Variants in TSPAN4 observed in about 807,000 individuals in gnomAD.
TSPAN4 encodes the protein tetraspanin 4, also known as tetraspanin-4.
A neutral mutation model predicts 31.5 loss-of-function variants in TSPAN4; 38 were observed. The observed-to-expected ratio is 1.21, with a 90% CI of 0.93 to 1.58. TSPAN4 has a LOEUF of 1.58. TSPAN4 is among the 40% of genes most tolerant of loss of function. The pLI, the probability that TSPAN4 is intolerant of heterozygous loss-of-function variation, is 0.00. For missense variants in TSPAN4, 330 were observed against 317.3 expected, an observed-to-expected ratio of 1.04 and a Z score of -0.30; for synonymous variants, 186 against 144.6, an observed-to-expected ratio of 1.29 and a Z score of -2.06.
intron 1 of TSPAN4, among the ~76,000 whole-genome samples, chr11:846,249 C>T (rs1412286456): frequency 6.6e-6 from 1 of 152,092 alleles, no homozygotes; most frequent in Non-Finnish European, 1.5e-5. Context: ...GGCATGGCAC[C>T]CAGGCTGCTG....
At chr11:844,863 G>A (rs1030630251) in intron 1 of TSPAN4, among the ~76,000 whole-genome samples, 1 of 152,152 alleles carries the variant, frequency 6.6e-6, no homozygotes, top group South Asian at 2.1e-4. Flanking sequence ...CAGGGCAAAG[G>A]ACCAGGGGAA....
intron 4 of TSPAN4, 136 bp from the exon 5 acceptor site, chr11:864,301 C>G: frequency 9.2e-7 from 1 of 1,090,858 alleles, no homozygotes; most frequent in Non-Finnish European, 1.4e-6. Flanking sequence ...TCTGGGCTCT[C>G]TGGGAGTGGG....
chr11:859,810 T>G (rs1224130741), intron 3 of TSPAN4: 5 of 152,228 alleles, frequency 3.3e-5, no homozygotes, highest in African/African-American at 1.2e-4. Context: ...GGGCTGGCTT[T>G]GCTCAGAAGC....
chr11:861,979 C>G (rs982978728), intron 3 of TSPAN4, among the ~76,000 whole-genome samples: 1 of 152,164 alleles, frequency 6.6e-6, no homozygotes, highest in African/African-American at 2.4e-5. Context: ...AGGGAATCAG[C>G]GTTTCTCCTG....
intron 3 of TSPAN4, among the ~76,000 whole-genome samples, chr11:861,671 C>G (rs1169658119): frequency 2.0e-5 from 3 of 151,784 alleles, no homozygotes; most frequent in African/African-American, 4.8e-5. Context: ...GAGATCGCGC[C>G]ACTGCACTCC....
intron 4 of TSPAN4, chr11:864,155 G>C: frequency 1.9e-6 from 1 of 536,132 alleles, no homozygotes. Flanking sequence ...ACTTGGGGGT[G>C]TCTGGGTTGC....
intron 3 of TSPAN4, 41 bp from the exon 4 acceptor site, chr11:862,509 G>A (rs1479354169): frequency 6.5e-7 from 1 of 1,543,702 alleles, no homozygotes; most frequent in Non-Finnish European, 8.7e-7. Flanking sequence ...CTTGCATTGG[G>A]GCCTCACCCT....
In TSPAN4 at chr11:866,590, T is replaced by G. The variant is rs748450195; in HGVS notation, c.677T>G (p.Met226Arg). The change falls in exon 9 of 9, where the codon ATG becomes AGG. Residue 226 changes from methionine (M) to arginine (R), a missense_variant. Transcript: ENST00000397397. ...QILGLTFAMT[M>R]YCQVVKADTY... Reference sequence around the variant, plus strand: ...CTGGGCCTGACCTTCGCCATGACCATGTACTGCCAAGTGGTCAAGGCAGAC... The same window carrying G: ...CTGGGCCTGACCTTCGCCATGACCAGGTACTGCCAAGTGGTCAAGGCAGAC... The G allele has an allele frequency of 1.2e-6, 2 of 1,613,528 alleles. No individual in the cohort carries two copies. Among genetic ancestry groups the G allele is most frequent in the Admixed American group, 1.7e-5 (1 of 59,996 alleles).
At position 866,749 on chromosome 11, in the gene TSPAN4, G is replaced by A; in HGVS notation, c.*119G>A. ...CCCCATGCTGGGAGGAGGGAGGGAG[G>A]GACAGGTGCCTGGAGCCCCCGGAAC... is the stretch of plus-strand genomic sequence containing the variant. On this transcript the variant is annotated 3_prime_UTR_variant, in exon 9 of 9. Coordinates refer to ENST00000397397, the MANE Select transcript of TSPAN4 (RefSeq NM_003271.5). The A allele has an allele frequency of 9.5e-7, 1 of 1,057,782 alleles. No homozygotes were observed. The highest frequency in any genetic ancestry group is 1.3e-6 in the Non-Finnish European group (1 of 756,132). The allele number at this position is 1,057,782 out of a possible 1,614,324, so 65.5% of individuals were successfully genotyped here.
At chr11:861,948 C>T (rs1451214076) in intron 3 of TSPAN4, among the ~76,000 whole-genome samples, 1 of 152,130 alleles carries the variant, frequency 6.6e-6, no homozygotes, top group Non-Finnish European at 1.5e-5. Context: ...AGAAAGAAAT[C>T]ATAACCAGGA....
intron 3 of TSPAN4, chr11:862,200 G>C (rs1848496397): frequency 3.4e-6 from 1 of 290,474 alleles, no homozygotes; most frequent in Admixed American, 5.0e-5. Flanking sequence ...AGCGGGGTTA[G>C]GGGTGTGCAG....
Position 854,884 on chromosome 11 carries a change from C to T in TSPAN4, c.63+4517C>T, listed in dbSNP as rs1847961428. On this transcript the variant is annotated intron_variant, in intron 3 of 8. Transcript: ENST00000397397. ...AGGGCTCTGCCTTCAGCTCCCAGGCCTCTCTTTGAGGAGTTTAACATCCCA... is the reference window on the plus strand; with the variant it reads ...AGGGCTCTGCCTTCAGCTCCCAGGCTTCTCTTTGAGGAGTTTAACATCCCA... 2.0e-5 allele frequency among the ~76,000 whole-genome samples: 3 copies of T among 152,236 alleles called. No individual in the cohort carries two copies. The South Asian group carries it at 6.2e-4, about 31-fold the overall frequency.
chr11:852,421 T>C (rs2134008392), intron 3 of TSPAN4, among the ~76,000 whole-genome samples: 1 of 152,310 alleles, frequency 6.6e-6, no homozygotes, highest in Non-Finnish European at 1.5e-5. Flanking sequence ...TATTTTTTAT[T>C]AATCAATCAC....
rs746525969 is a variant in TSPAN4 at position 862,679 on chromosome 11, A to G, written c.193A>G (p.Met65Val). 1.2e-6 allele frequency: 2 copies of G among 1,613,210 alleles called. No homozygotes were observed. Among genetic ancestry groups the G allele is most frequent in the Admixed American group, 1.7e-5 (1 of 60,000 alleles). Residue 65 changes from methionine to valine, a missense_variant, in exon 4 of 9, where the codon ATG becomes GTG. Physicochemically the swap from Met to Val is conservative, Grantham distance 21 (BLOSUM62 1). Transcript: ENST00000397397. ...GCTCATCATCACCGGCGCCTTTGTC[A>G]TGGCCATCGGCTTCGTGGGCTGCCT... The part of the protein sequence containing the change: ...NLLIITGAFV[M>V]AIGFVGCLGA...
chr11:850,243 A>G (rs1847590464), intron 2 of TSPAN4, 45 bp from the exon 3 acceptor site: 1 of 1,494,930 alleles, frequency 6.7e-7, no homozygotes, highest in Non-Finnish European at 9.1e-7. Context: ...AAGGGCAACA[A>G]GTACGTGGTT....
Position 866,775 on chromosome 11 carries a change from CCT to C in TSPAN4, c.*146_*147del. Reference sequence around the variant, plus strand: ...GACAGGTGCCTGGAGCCCCCGGAACCCTGTTTCTGGAAGGCCCTAGCTCAGGT... The same window carrying C: ...GACAGGTGCCTGGAGCCCCCGGAACCGTTTCTGGAAGGCCCTAGCTCAGGT... On this transcript the variant is annotated 3_prime_UTR_variant, in exon 9 of 9. Transcript: ENST00000397397. 2.3e-6 allele frequency: 2 copies of C among 884,838 alleles called. No homozygotes were observed. The highest frequency in any genetic ancestry group is 3.3e-6 in the Non-Finnish European group (2 of 603,740). The allele number at this position is 884,838 out of a possible 1,614,324, so 54.8% of individuals were successfully genotyped here. A position where few individuals can be genotyped will look rare whatever the true frequency, so the allele number is the denominator to read the frequency against.
At chr11:866,343 T>A (rs1031308217) in intron 8 of TSPAN4, among the ~76,000 whole-genome samples, 9 of 150,984 alleles carry the variant, frequency 6.0e-5, no homozygotes, top group African/African-American at 2.2e-4. Context: ...GTTCTGGGTG[T>A]CCTCATGCCT....
intron 5 of TSPAN4, 152 bp from the exon 6 acceptor site, chr11:865,361 G>A (rs1848709091): frequency 1.6e-6 from 1 of 636,384 alleles, no homozygotes. Context: ...GAGGACATGG[G>A]GCCGGTGTGT....
intron 2 of TSPAN4, chr11:849,928 G>T: frequency 6.7e-6 from 1 of 150,080 alleles, no homozygotes; most frequent in South Asian, 2.0e-4. Flanking sequence ...GCCAGAGCGG[G>T]AGCAGGAGCG....
Sources: allele counts gnomAD v4.1 joint callset (sites outside exome capture counted in the v4.1 genomes callset), GRCh38; gene constraint gnomAD v4.1.1; transcripts MANE v1.5; gene names NCBI Gene and HGNC (gene_info 2026-07-23, HGNC 2026-07-21).